Variants in TC2N observed in about 807,000 individuals in gnomAD.
TC2N encodes tandem C2 domains, nuclear, also known as tandem C2 domains nuclear protein.
TC2N carries 51 observed loss-of-function variants against 61.9 expected under a neutral mutation model. The observed-to-expected ratio is 0.82, with a 90% CI of 0.66 to 1.04. TC2N has a LOEUF of 1.04. Ranked by LOEUF, TC2N falls within the 50% of genes least tolerant of loss-of-function variation. The pLI is 0.00. For synonymous variants in TC2N, 204 were observed against 192.6 expected (o/e 1.06, Z -0.49); for missense variants, 556 against 566.7 (o/e 0.98, Z 0.19).
chr14:91,793,866 G>C (rs902697429), intron 8 of TC2N, among the ~76,000 whole-genome samples: 1 of 152,118 alleles, frequency 6.6e-6, no homozygotes, highest in African/African-American at 2.4e-5. Flanking sequence ...TAAATCAAAA[G>C]CTAGAAATGA....
In TC2N at chr14:91,802,262, T is replaced by G; in HGVS notation, c.461A>C (p.Tyr154Ser). ...FPPRSEVKRL[Y>S]GSVCDLRTNK... ...ACAAAAGATCTTCATACCCGATCCA[T>G]ACAGTCTCTTCACTTCTGAACGGGG... The change falls in exon 4 of 12, where the codon TAT (tyrosine) becomes TCT (serine). Residue 154 changes from tyrosine (Y) to serine (S), a missense_variant. Transcript: ENST00000435962. The G allele has an allele frequency of 6.3e-7, 1 of 1,580,548 alleles. No homozygotes were observed.
intron 2 of TC2N, 91 bp downstream of exon 2, chr14:91,813,612 G>T: frequency 2.3e-6 from 2 of 870,848 alleles, no homozygotes; most frequent in Non-Finnish European, 3.7e-6. Flanking sequence ...CCCCTAAGAA[G>T]TTGGAAAACA....
At chr14:91,861,025 A>G (rs1458226846) in intron 1 of TC2N, among the ~76,000 whole-genome samples, 4 of 152,222 alleles carry the variant, frequency 2.6e-5, no homozygotes, top group African/African-American at 9.6e-5. Context: ...TTACATGAAG[A>G]ACAGAAGCAT....
At chr14:91,831,075 G>A (rs986574742) in intron 1 of TC2N, among the ~76,000 whole-genome samples, 2 of 152,176 alleles carry the variant, frequency 1.3e-5, no homozygotes, top group African/African-American at 4.8e-5. Context: ...CTCAAGGCAA[G>A]TAAGACTTAA....
rs201258006 is a variant in TC2N, at chr14:91,823,529, A to G, written c.-56-9704T>C. Among the ~76,000 whole-genome samples, 6 of 5,488 alleles carry G rather than the reference A, an allele frequency of 1.1e-3. No homozygotes were observed. The East Asian group carries it at 0.21, about 191-fold the overall frequency. 3.6% of individuals were successfully genotyped at this position (5,488 alleles called of 152,430 possible). ...GAGCAAAATTCCATCTCAAAAAAAA[A>G]AAAAAAGAAAAAAGAAATCATTTTA... On this transcript the variant is annotated intron_variant, in intron 1 of 11. Transcript: ENST00000435962.
chr14:91,818,609 C>A (rs1449141576), intron 1 of TC2N, among the ~76,000 whole-genome samples: 5 of 151,772 alleles, frequency 3.3e-5, no homozygotes, highest in Non-Finnish European at 7.4e-5. Context: ...AAAATTGAGA[C>A]AAGGCAGTTG....
chr14:91,813,880 A>G, intron 1 of TC2N, 55 bp from the exon 2 acceptor site: 2 of 624,314 alleles, frequency 3.2e-6, no homozygotes, highest in Non-Finnish European at 5.5e-6. Context: ...ATACCATTAG[A>G]TATTACTAAA....
intron 1 of TC2N, among the ~76,000 whole-genome samples, chr14:91,858,067 G>A (rs1888517052): frequency 6.6e-6 from 1 of 151,654 alleles, no homozygotes; most frequent in Admixed American, 6.6e-5. Context: ...CTGGGCTTAA[G>A]TGATCCTCTC....
At chr14:91,832,598 T>C (rs964714923) in intron 1 of TC2N, among the ~76,000 whole-genome samples, 1 of 152,124 alleles carries the variant, frequency 6.6e-6, no homozygotes, top group African/African-American at 2.4e-5. Flanking sequence ...AGAAGTGTCT[T>C]ACATGTTGCT....
rs994673802 is a variant in TC2N at position 91,782,842 on chromosome 14, T to C, written c.*258A>G. 2.8e-6 allele frequency: 1 copy of C among 363,186 alleles called. No individual in the cohort carries two copies. The highest frequency in any genetic ancestry group is 5.0e-6 in the Non-Finnish European group (1 of 201,938). 22.5% of individuals were successfully genotyped at this position (363,186 alleles called of 1,614,324 possible). On this transcript the variant is annotated 3_prime_UTR_variant, in exon 12 of 12. Coordinates refer to ENST00000435962, the MANE Select transcript of TC2N (RefSeq NM_001128596.3). ...TATTCTCACAGACTTTATAATTTAT[T>C]TAGTCATCCTAATAATACTTTGATT... is the stretch of plus-strand genomic sequence containing the variant.
At chr14:91,832,364 T>C (rs570234393) in intron 1 of TC2N, among the ~76,000 whole-genome samples, 1 of 135,432 alleles carries the variant, frequency 7.4e-6, no homozygotes, top group African/African-American at 2.8e-5. Context: ...CACTCCAGCA[T>C]GGGCAATAAG....
rs1886287846 is a variant in TC2N, at chr14:91,802,262, T to C, written c.461A>G (p.Tyr154Cys). 6.3e-7 allele frequency: 1 copy of C among 1,580,432 alleles called. No homozygotes were observed. The highest frequency in any genetic ancestry group is 1.4e-5 in the African/African-American group (1 of 72,716). Residue 154 changes from tyrosine to cysteine, a missense_variant, in exon 4 of 12, where the codon TAT becomes TGT. By Grantham distance (194) the Tyr-to-Cys change is radical. Transcript: ENST00000435962. Reference sequence around the variant, plus strand: ...ACAAAAGATCTTCATACCCGATCCATACAGTCTCTTCACTTCTGAACGGGG... The same window carrying C: ...ACAAAAGATCTTCATACCCGATCCACACAGTCTCTTCACTTCTGAACGGGG... ...FPPRSEVKRL[Y>C]GSVCDLRTNK...
chr14:91,859,797 G>A (rs1243109299), intron 1 of TC2N, among the ~76,000 whole-genome samples: 2 of 152,202 alleles, frequency 1.3e-5, no homozygotes, highest in African/African-American at 4.8e-5. Flanking sequence ...TGGGCAAAGA[G>A]AAGAACTGCA....
At chr14:91,797,692 A>C in intron 8 of TC2N, 93 bp downstream of exon 8, 1 of 832,018 alleles carries the variant, frequency 1.2e-6, no homozygotes, top group Non-Finnish European at 1.9e-6. Context: ...AAGATAAAAG[A>C]CTTTCTTATT....
At chr14:91,810,705 T>C (rs1433466844) in intron 3 of TC2N, among the ~76,000 whole-genome samples, 2 of 151,850 alleles carry the variant, frequency 1.3e-5, no homozygotes, top group African/African-American at 4.8e-5. Context: ...AGGAAATCTA[T>C]AACAAAGAAC....
intron 1 of TC2N, among the ~76,000 whole-genome samples, chr14:91,830,828 G>C (rs933733219): frequency 6.6e-6 from 1 of 152,124 alleles, no homozygotes; most frequent in African/African-American, 2.4e-5. Context: ...CCAAGGACAG[G>C]ATTTTTTTCC....
At chr14:91,818,823 A>C (rs905829655) in intron 1 of TC2N, among the ~76,000 whole-genome samples, 3 of 152,174 alleles carry the variant, frequency 2.0e-5, no homozygotes, top group Non-Finnish European at 4.4e-5. Flanking sequence ...AAGATAAACT[A>C]ACTAAAATGA....
chr14:91,793,037 C>T (rs1338041428), intron 8 of TC2N, among the ~76,000 whole-genome samples: 1 of 152,192 alleles, frequency 6.6e-6, no homozygotes, highest in Non-Finnish European at 1.5e-5. Context: ...CCATCTATCT[C>T]AGGCTTCAAT....
chr14:91,803,523 G>A (rs1357081463), intron 3 of TC2N, among the ~76,000 whole-genome samples: 1 of 151,808 alleles, frequency 6.6e-6, no homozygotes, highest in Non-Finnish European at 1.5e-5. Context: ...CATGATCTCG[G>A]CTCACTGAAA....
Sources: gnomAD v4.1 joint callset for allele counts (sites outside exome capture counted in the v4.1 genomes callset) on GRCh38, gnomAD v4.1.1 for gene constraint, MANE v1.5 for transcripts, NCBI Gene and HGNC (gene_info 2026-07-23, HGNC 2026-07-21) for gene names.